The following ITGBL1 variants were observed in gnomAD, a reference collection of about 807,000 sequenced individuals.
ITGBL1 encodes integrin beta-like protein 1.
In ITGBL1, 51 loss-of-function variants were observed where a neutral mutation model predicts 68.5. The ratio of observed to expected loss-of-function variants is 0.74; its 90% CI spans 0.59 to 0.94. The LOEUF is 0.94. ITGBL1 is among the 40% of genes least tolerant of loss of function. The pLI is 0.00. For synonymous variants in ITGBL1, 209 were observed against 227.3 expected, an observed-to-expected ratio of 0.92 and a Z score of 0.72; for missense variants, 649 against 647.4, an observed-to-expected ratio of 1.00 and a Z score of -0.03.
intron 2 of ITGBL1, among the ~76,000 whole-genome samples, chr13:101,556,550 T>A (rs187918660): frequency 1.3e-3 from 193 of 152,122 alleles, no homozygotes; most frequent in African/African-American, 4.3e-3. Flanking sequence ...CAGAATTGCT[T>A]GAACTCCAGA....
At chr13:101,653,720 C>T (rs1224271130) in intron 7 of ITGBL1, among the ~76,000 whole-genome samples, 1 of 151,782 alleles carries the variant, frequency 6.6e-6, no homozygotes, top group Non-Finnish European at 1.5e-5. Context: ...GACAGAGTCT[C>T]ACTCTGTCGC....
chr13:101,562,223 A>G (rs1407418099), intron 2 of ITGBL1, among the ~76,000 whole-genome samples: 8 of 151,808 alleles, frequency 5.3e-5, no homozygotes, highest in Non-Finnish European at 1.5e-5. Flanking sequence ...TAGCAGAGGA[A>G]ATAGAATAAA....
intron 2 of ITGBL1, among the ~76,000 whole-genome samples, chr13:101,502,348 G>A (rs999202880): frequency 6.6e-6 from 1 of 152,162 alleles, no homozygotes; most frequent in Non-Finnish European, 1.5e-5. Flanking sequence ...CTGGAGCCCT[G>A]TGTCCCATCC....
chr13:101,590,825 GC>G (rs1320104537), intron 6 of ITGBL1, among the ~76,000 whole-genome samples: 2 of 152,088 alleles, frequency 1.3e-5, no homozygotes, highest in African/African-American at 2.4e-5. Flanking sequence ...ATTTATATAG[GC>G]ATTTCCAATG....
intron 7 of ITGBL1, among the ~76,000 whole-genome samples, chr13:101,615,619 A>G (rs1360367349): frequency 6.6e-6 from 1 of 151,946 alleles, no homozygotes; most frequent in Non-Finnish European, 1.5e-5. Flanking sequence ...CATGAAAGGG[A>G]ATGGTGCTCT....
intron 7 of ITGBL1, among the ~76,000 whole-genome samples, chr13:101,633,409 C>T (rs1165655273): frequency 6.6e-6 from 1 of 152,102 alleles, no homozygotes; most frequent in African/African-American, 2.4e-5. Flanking sequence ...GTTCTTAAGC[C>T]ATCTCGTTGA....
At chr13:101,652,003 G>A (rs9585749) in intron 7 of ITGBL1, among the ~76,000 whole-genome samples, 24,684 of 152,100 alleles carry the variant, frequency 0.16, 2,244 homozygotes, top group East Asian at 0.25. Flanking sequence ...TTATTTCTGA[G>A]TTCTCTATTC....
Position 101,708,542 on chromosome 13 carries a change from G to A in ITGBL1, c.1279+1640G>A, listed in dbSNP as rs560007266. Among the ~76,000 whole-genome samples, 79 of 152,316 alleles carry A rather than the reference G, an allele frequency of 5.2e-4. 2 individuals are homozygous for A. The highest frequency in any genetic ancestry group is 1.2e-3 in the South Asian group (6 of 4,828). ...CCACACCAGTGAGGCTGCCACACACGAAGGAAGGAGGTCTCTGAAGCAAGA... is the reference window on the plus strand; with the variant it reads ...CCACACCAGTGAGGCTGCCACACACAAAGGAAGGAGGTCTCTGAAGCAAGA... On this transcript the variant is annotated intron_variant, in intron 9 of 10. Coordinates refer to ENST00000376180, the MANE Select transcript of ITGBL1 (RefSeq NM_004791.3).
chr13:101,526,659 ATGTGTGTGTG>A (rs35919129), intron 2 of ITGBL1, among the ~76,000 whole-genome samples: 4 of 149,304 alleles, frequency 2.7e-5, no homozygotes, highest in Non-Finnish European at 5.9e-5. Flanking sequence ...TTGAAGTTAT[ATGTGTGTGTG>A]TGTGTGTGTG....
In ITGBL1 at chr13:101,466,255, A is replaced by C. The variant is rs1412750255; in HGVS notation, c.316+12155A>C. On this transcript the variant is annotated intron_variant, in intron 2 of 10. Coordinates refer to ENST00000376180, the MANE Select transcript of ITGBL1 (RefSeq NM_004791.3). ...AAGTTCTTATCACACCTCATGCTTC[A>C]TTCAGGCTGTCTTCCCTTCTGTCTA... Among the ~76,000 whole-genome samples the C allele has an allele frequency of 3.9e-5, 6 of 152,338 alleles. No individual in the cohort carries two copies. The East Asian group carries it at 9.6e-4, about 24-fold the overall frequency.
intron 2 of ITGBL1, among the ~76,000 whole-genome samples, chr13:101,504,174 A>G (rs1305465642): frequency 6.6e-6 from 1 of 152,196 alleles, no homozygotes; most frequent in Non-Finnish European, 1.5e-5. Flanking sequence ...AGGGCTGTCA[A>G]AGGCACTGTG....
Position 101,487,557 on chromosome 13 carries a change from G to A in ITGBL1, c.316+33457G>A, listed in dbSNP as rs2048718658. 2.0e-5 allele frequency among the ~76,000 whole-genome samples: 3 copies of A among 152,170 alleles called. No homozygotes were observed. The South Asian group carries it at 6.2e-4, about 32-fold the overall frequency. On this transcript the variant is annotated intron_variant, in intron 2 of 10. Transcript: ENST00000376180. ...TTCAATTACCTCAGGAATATATAGAGTTATCACTGATGGCCTAAGGCCATG... is the reference window on the plus strand; with the variant it reads ...TTCAATTACCTCAGGAATATATAGAATTATCACTGATGGCCTAAGGCCATG...
chr13:101,533,935 G>A (rs2049526126), intron 2 of ITGBL1, among the ~76,000 whole-genome samples: 1 of 152,122 alleles, frequency 6.6e-6, no homozygotes, highest in African/African-American at 2.4e-5. Context: ...TGGTCCAATT[G>A]TTCAAATCTT....
chr13:101,602,558 CT>C (rs1566751805), intron 7 of ITGBL1, among the ~76,000 whole-genome samples: 1 of 151,812 alleles, frequency 6.6e-6, no homozygotes, highest in East Asian at 1.9e-4. Context: ...TTGCGTTTTT[CT>C]TTTTTAAAAA....
chr13:101,470,560 A>G (rs2048443421), intron 2 of ITGBL1, among the ~76,000 whole-genome samples: 1 of 151,928 alleles, frequency 6.6e-6, no homozygotes, highest in Admixed American at 6.6e-5. Context: ...CTCAACATTT[A>G]CCCTCTGGGT....
chr13:101,499,408 G>GT (rs2048906412), intron 2 of ITGBL1, among the ~76,000 whole-genome samples: 1 of 152,168 alleles, frequency 6.6e-6, no homozygotes. Context: ...TATTGTATCA[G>GT]CAGCATAGAT....
At chr13:101,596,641 C>T (rs771969771) in intron 6 of ITGBL1, among the ~76,000 whole-genome samples, 3 of 152,084 alleles carry the variant, frequency 2.0e-5, no homozygotes, top group Non-Finnish European at 4.4e-5. Context: ...TGCTTTTTGT[C>T]AGTTCATGGC....
chr13:101,696,400 T>C (rs2034002922), intron 8 of ITGBL1, among the ~76,000 whole-genome samples: 1 of 152,220 alleles, frequency 6.6e-6, no homozygotes, highest in South Asian at 2.1e-4. Context: ...TGGAGGAGAC[T>C]ATGCTTGTCT....
chr13:101,644,102 A>G (rs2032478940), intron 7 of ITGBL1, among the ~76,000 whole-genome samples: 1 of 152,186 alleles, frequency 6.6e-6, no homozygotes, highest in South Asian at 2.1e-4. Context: ...TGAAGGATGC[A>G]TGCTTGGCCC....
Sources: gnomAD v4.1 joint callset for allele counts (sites outside exome capture counted in the v4.1 genomes callset) on GRCh38, gnomAD v4.1.1 for gene constraint, MANE v1.5 for transcripts, NCBI Gene and HGNC (gene_info 2026-07-23, HGNC 2026-07-21) for gene names.